HS1BP3: variants seen among roughly 807,000 people sequenced by gnomAD.
HS1BP3 encodes the protein HCLS1 binding protein 3, also known as HCLS1-binding protein 3.
In HS1BP3, 32 loss-of-function variants were observed where a neutral mutation model predicts 33.5. The ratio of observed to expected loss-of-function variants is 0.95; its 90% CI spans 0.72 to 1.28. The LOEUF (loss-of-function observed/expected upper bound fraction) is 1.28. Ranked by LOEUF, HS1BP3 falls within the 50% of genes most tolerant of loss-of-function variation. The pLI, the probability that HS1BP3 is intolerant of heterozygous loss-of-function variation, is 0.00. For missense variants in HS1BP3, 486 were observed against 502.3 expected (o/e 0.97, Z 0.31); for synonymous variants, 187 against 209.2 (o/e 0.89, Z 0.92).
At chr2:20,629,410 G>A (rs1473034154) in intron 4 of HS1BP3, among the ~76,000 whole-genome samples, 1 of 152,184 alleles carries the variant, frequency 6.6e-6, no homozygotes, top group Non-Finnish European at 1.5e-5. Flanking sequence ...TGCACTGACA[G>A]GAGACAAAGC....
downstream of HS1BP3, among the ~76,000 whole-genome samples, chr2:20,558,163 G>A (rs73235132): frequency 0.018 from 2,753 of 152,306 alleles, 81 homozygotes; most frequent in African/African-American, 0.063. Flanking sequence ...GTGCAGAGGG[G>A]AGATGAGATA....
chr2:20,567,532 C>T (rs941892782), intron 5 of HS1BP3, among the ~76,000 whole-genome samples: 1 of 1,382 alleles, frequency 7.2e-4, no homozygotes, highest in Non-Finnish European at 1.4e-3. Context: ...GTGCTGGCAG[C>T]CAAACAAAGG....
At chr2:20,614,036 A>G (rs974621117), downstream of HS1BP3, among the ~76,000 whole-genome samples, 4 of 152,192 alleles carry the variant, frequency 2.6e-5, no homozygotes, top group Admixed American at 1.3e-4. Context: ...ATTCTTTCCT[A>G]TAAGAGGGAA....
intron 4 of HS1BP3, among the ~76,000 whole-genome samples, chr2:20,629,381 C>A (rs1446940825): frequency 1.3e-5 from 2 of 152,204 alleles, no homozygotes; most frequent in Non-Finnish European, 1.5e-5. Flanking sequence ...CTGCAGTGCC[C>A]GCCCTCCAGC....
At chr2:20,642,185 C>A (rs531176527) in intron 2 of HS1BP3, among the ~76,000 whole-genome samples, 2 of 152,232 alleles carry the variant, frequency 1.3e-5, no homozygotes, top group Non-Finnish European at 2.9e-5. Context: ...CTCCCAGGCC[C>A]GGACTGTGCC....
downstream of HS1BP3, among the ~76,000 whole-genome samples, chr2:20,557,120 T>A (rs947216226): frequency 2.0e-5 from 3 of 152,226 alleles, no homozygotes; most frequent in African/African-American, 4.8e-5. Flanking sequence ...TCAAAATCAT[T>A]TTCTCTCTGA....
At chr2:20,564,284 G>A (rs1693071693) in intron 5 of HS1BP3, among the ~76,000 whole-genome samples, 1 of 152,186 alleles carries the variant, frequency 6.6e-6, no homozygotes, top group Non-Finnish European at 1.5e-5. Flanking sequence ...TCTACTGCAG[G>A]GTGGACGGCT....
intron 5 of HS1BP3, among the ~76,000 whole-genome samples, chr2:20,565,407 C>A (rs1197493672): frequency 3.3e-5 from 5 of 152,170 alleles, no homozygotes; most frequent in African/African-American, 1.2e-4. Flanking sequence ...GCCTAGGGAC[C>A]ACTCTGAATG....
chr2:20,615,377 G>A (rs1030821820), downstream of HS1BP3, among the ~76,000 whole-genome samples: 1 of 152,180 alleles, frequency 6.6e-6, no homozygotes, highest in African/African-American at 2.4e-5. Flanking sequence ...CCGGCCCCTG[G>A]ATCTGCTTCC....
At chr2:20,559,057 G>A (rs923123060), downstream of HS1BP3, among the ~76,000 whole-genome samples, 1 of 152,242 alleles carries the variant, frequency 6.6e-6, no homozygotes, top group Non-Finnish European at 1.5e-5. Context: ...AATGCAGGAA[G>A]GAAAGTCTGC....
At chr2:20,607,135 G>T (rs989248952) in intron 2 of HS1BP3, among the ~76,000 whole-genome samples, 1 of 149,624 alleles carries the variant, frequency 6.7e-6, no homozygotes, top group African/African-American at 2.4e-5. Flanking sequence ...TTTTGCATAT[G>T]GTATGAGGTA....
chr2:20,554,701 C>T, the HS1BP3 span, among the ~76,000 whole-genome samples: 3 of 136,886 alleles, frequency 2.2e-5, no homozygotes, highest in African/African-American at 8.9e-5. Flanking sequence ...TGAAACTCCA[C>T]CTCACAAAAA....
chr2:20,647,215 G>A (rs1184772288), intron 1 of HS1BP3, among the ~76,000 whole-genome samples: 1 of 152,132 alleles, frequency 6.6e-6, no homozygotes, highest in Non-Finnish European at 1.5e-5. Flanking sequence ...GACCACGCCA[G>A]AACCCACAAT....
chr2:20,561,598 C>T lies in HS1BP3; in HGVS notation c.303-1083G>A, dbSNP rs770424479. On this transcript the variant is annotated intron_variant, in intron 5 of 5. Transcript: ENST00000446825. ...ACATGCCTCCACACATATGCATATG[C>T]GTACACAAGCATTCTTCCAGAACAC... is the stretch of plus-strand genomic sequence containing the variant. Among the ~76,000 whole-genome samples, 51 of 152,262 alleles carry T rather than the reference C, an allele frequency of 3.3e-4. 1 individual carries two copies. The highest frequency in any genetic ancestry group is 1.4e-3 in the East Asian group (7 of 5,184).
chr2:20,621,290 C>A (rs192653082), intron 6 of HS1BP3, among the ~76,000 whole-genome samples: 1 of 152,230 alleles, frequency 6.6e-6, no homozygotes, highest in Non-Finnish European at 1.5e-5. Flanking sequence ...GCTCCGGACA[C>A]CCTGCCTGCT....
downstream of HS1BP3, among the ~76,000 whole-genome samples, chr2:20,588,808 A>T (rs949105233): frequency 6.6e-6 from 1 of 152,112 alleles, no homozygotes; most frequent in African/African-American, 2.4e-5. Flanking sequence ...GGACATCTCT[A>T]CTCAGAAGGC....
At position 20,619,259 on chromosome 2, in the gene HS1BP3, G is replaced by A. The variant is rs751144264; in HGVS notation, c.921-14C>T. On this transcript the variant is annotated splice_polypyrimidine_tract_variant and intron_variant, in intron 6 of 6. Coordinates refer to ENST00000304031, the MANE Select transcript of HS1BP3 (RefSeq NM_022460.4). ...TCCTCTTCAACTCTAGGGAACCACA[G>A]GGAGGAACCCTGAGCATAACACTGC... is the stretch of plus-strand genomic sequence containing the variant. The A allele has an allele frequency of 1.3e-6, 2 of 1,581,070 alleles. No homozygotes were observed. Among genetic ancestry groups the A allele is most frequent in the East Asian group, 4.5e-5 (2 of 44,552 alleles).
chr2:20,623,965 G>A lies in HS1BP3; in HGVS notation c.851C>T (p.Pro284Leu), dbSNP rs372329576. The A allele has an allele frequency of 6.5e-5, 104 of 1,612,034 alleles. No homozygotes were observed. The highest frequency in any genetic ancestry group is 8.9e-5 in the East Asian group (4 of 44,872). ...AIPLGDSLLLPAACESGGPTP... is the reference protein window; with the variant it reads ...AIPLGDSLLLLAACESGGPTP... Reference sequence around the variant, plus strand: ...GGGCCCTCCACTCTCACAGGCGGCTGGCAGCAGGAGGGAGTCACCCAGGGG... The same window carrying A: ...GGGCCCTCCACTCTCACAGGCGGCTAGCAGCAGGAGGGAGTCACCCAGGGG... The change falls in exon 6 of 7, where the codon CCA becomes CTA. Residue 284 changes from proline (P) to leucine (L), a missense_variant. Pro to Leu is a moderately conservative substitution (Grantham distance 98). Transcript: ENST00000304031.
At chr2:20,570,850 T>A (rs1334377371) in intron 5 of HS1BP3, among the ~76,000 whole-genome samples, 2 of 152,076 alleles carry the variant, frequency 1.3e-5, no homozygotes, top group African/African-American at 4.8e-5. Flanking sequence ...GTCTGTTGCA[T>A]AAAGGGTCAC....
Sources: gnomAD v4.1 joint callset for allele counts (sites outside exome capture counted in the v4.1 genomes callset) on GRCh38, gnomAD v4.1.1 for gene constraint, MANE v1.5 for transcripts, NCBI Gene and HGNC (gene_info 2026-07-23, HGNC 2026-07-21) for gene names.